The following NLRP7 variants were observed in gnomAD, a reference collection of about 807,000 sequenced individuals.
NLRP7 encodes the protein NACHT, LRR and PYD domains-containing protein 7.
NLRP7 carries 72 observed loss-of-function variants against 85.5 expected under a neutral mutation model. The ratio of observed to expected loss-of-function variants is 0.84; its 90% CI spans 0.70 to 1.02. The LOEUF (loss-of-function observed/expected upper bound fraction) is 1.02. Among genes scored for constraint, NLRP7 ranks in the 50% least tolerant of loss-of-function variants. The pLI is 0.00. For missense variants in NLRP7, 1,243 were observed against 1,219.5 expected, an observed-to-expected ratio of 1.02 and a Z score of -0.29; for synonymous variants, 550 against 505.2, an observed-to-expected ratio of 1.09 and a Z score of -1.19.
chr19:54,961,366 T>C (rs1435891781), intron 1 of NLRP7, among the ~76,000 whole-genome samples: 1 of 151,728 alleles, frequency 6.6e-6, no homozygotes, highest in Non-Finnish European at 1.5e-5. Flanking sequence ...CAAAATTAGC[T>C]TGGTATGGTG....
At chr19:54,937,215 C>CAAA in intron 5 of NLRP7, among the ~76,000 whole-genome samples, 1 of 77,602 alleles carries the variant, frequency 1.3e-5, no homozygotes, top group Admixed American at 1.5e-4. Flanking sequence ...GAGACTGTCT[C>CAAA]AAAAAAAAAA....
chr19:54,939,920 G>T, exon 4 of NLRP7: 7 of 1,614,130 alleles, frequency 4.3e-6, no homozygotes, highest in Non-Finnish European at 5.1e-6. Context: ...GGGCCGCGTG[G>T]TGACCAGCAA....
chr19:54,927,852 G>A (rs967406787), intron 9 of NLRP7, 77 bp from the exon 10 acceptor site: 31 of 1,345,928 alleles, frequency 2.3e-5, no homozygotes, highest in Non-Finnish European at 2.8e-5. Context: ...AACACTTCGG[G>A]AGGCCAAGGC....
In NLRP7 at chr19:54,934,498, T is replaced by C. The variant is rs1156313098; in HGVS notation, c.2462A>G (p.Gln821Arg). 1 of 1,614,164 alleles carries C rather than the reference T, an allele frequency of 6.2e-7. No individual in the cohort carries two copies. Among genetic ancestry groups the C allele is most frequent in the Admixed American group, 1.7e-5 (1 of 60,012 alleles). The change falls in exon 7 of 10, where the codon CAG becomes CGG. Residue 821 changes from glutamine to arginine, a missense_variant. By Grantham distance (43) the Gln-to-Arg change is conservative. Coordinates refer to ENST00000340844, the Ensembl canonical transcript of NLRP7. This position sits in a 1 kb window ranked among gnomAD's most constrained non-coding sequence, Gnocchi z 6.7. ...GGAAGAGGAGACTTACGACAACATC[T>C]GCAGGAAGTGTTTTGGGCGTGTCAT...
chr19:54,946,082 C>T (rs1400621472), intron 1 of NLRP7, among the ~76,000 whole-genome samples: 6 of 151,918 alleles, frequency 3.9e-5, no homozygotes, highest in African/African-American at 9.7e-5. Flanking sequence ...TGAGCCACCG[C>T]GCCCGGCCGA....
chr19:54,925,979 G>A (rs4603691), intron 9 of NLRP7, among the ~76,000 whole-genome samples: 14,433 of 150,648 alleles, frequency 0.096, 1,021 homozygotes, highest in East Asian at 0.35. Flanking sequence ...CAGCCTGGGC[G>A]ACAGAGACTG....
At chr19:54,933,451 T>G in intron 8 of NLRP7, 118 bp downstream of exon 8, 1 of 1,334,922 alleles carries the variant, frequency 7.5e-7, no homozygotes, top group Non-Finnish European at 1.1e-6. Context: ...GGCCTCTGCC[T>G]GTTCTTTAAT....
intron 1 of NLRP7, among the ~76,000 whole-genome samples, chr19:54,964,082 T>A (rs2070188539): frequency 6.7e-6 from 1 of 150,272 alleles, no homozygotes; most frequent in Non-Finnish European, 1.5e-5. Flanking sequence ...GGTTTCATCA[T>A]CTTGGCCAGG....
chr19:54,958,691 G>A (rs1334396346), intron 1 of NLRP7, among the ~76,000 whole-genome samples: 1 of 152,002 alleles, frequency 6.6e-6, no homozygotes, highest in African/African-American at 2.4e-5. Context: ...AGTGGCTCAC[G>A]CCTGTAATCC....
At position 54,941,806 on chromosome 19, in the gene NLRP7, A is replaced by G. The variant is rs906500900; in HGVS notation, c.-39-56T>C. ...AGTTACCATCATTAAATGAAACCAC[A>G]GTTTCCTGTGTGCCAAGAACAAGAC... On this transcript the variant is annotated intron_variant, in intron 1 of 9. Transcript: ENST00000340844. 8 of 1,314,204 alleles carry G rather than the reference A, an allele frequency of 6.1e-6. No homozygotes were observed. The Admixed American group carries it at 1.7e-4, about 29-fold the overall frequency. 81.4% of individuals were successfully genotyped at this position (1,314,204 alleles called of 1,614,324 possible).
chr19:54,940,005 C>A (rs751795513), exon 4 of NLRP7: 1 of 1,614,168 alleles, frequency 6.2e-7, no homozygotes, highest in Non-Finnish European at 8.5e-7. Flanking sequence ...TTCTCCCAGT[C>A]CCCGCAGATG....
intron 1 of NLRP7, among the ~76,000 whole-genome samples, chr19:54,957,343 CTTCT>C (rs1350648945): frequency 1.4e-4 from 20 of 139,926 alleles, no homozygotes; most frequent in Admixed American, 7.9e-4. Context: ...TCTTCTTCTT[CTTCT>C]TTTTTTTTTT....
intron 1 of NLRP7, among the ~76,000 whole-genome samples, chr19:54,959,305 A>ATTTTTTTTTTTTTTTTTTTTTTTT (rs1435097621): frequency 2.7e-5 from 4 of 148,238 alleles, no homozygotes; most frequent in African/African-American, 5.0e-5. Flanking sequence ...TGCCCGGCTA[A>ATTTTTTTTTTTTTTTTTTTTTTTT]TTTTTGTATT....
chr19:54,948,415 A>G (rs1273356512), upstream of NLRP7, among the ~76,000 whole-genome samples: 1 of 151,934 alleles, frequency 6.6e-6, no homozygotes, highest in African/African-American at 2.4e-5. Flanking sequence ...GCCATACATG[A>G]TGGGCTGCAC....
rs149250103 is a variant in NLRP7 at position 54,939,403 on chromosome 19, C to A, written c.1416G>T (p.Gln472His). Residue 472 changes from glutamine (Q) to histidine (H), a missense_variant, in exon 4 of 10, where the codon CAG becomes CAT. Gln to His is a conservative substitution (Grantham distance 24). Around this residue, in one of 3 missense-constraint regions of NLRP7, gnomAD observed 39 missense variants for 67.9 expected, o/e 0.57. Transcript: ENST00000340844. ...CGTAGAACAGGGCAGTGAGAAACTG[C>A]TGGAAGCTGAGGTGGATGAAGGAGT... is the stretch of plus-strand genomic sequence containing the variant. The A allele has an allele frequency of 9.9e-6, 16 of 1,614,000 alleles. No individual in the cohort carries two copies. The Admixed American group carries it at 1.2e-4, about 12-fold the overall frequency.
chr19:54,940,412 T>C, exon 4 of NLRP7: 1 of 1,614,112 alleles, frequency 6.2e-7, no homozygotes, highest in Non-Finnish European at 8.5e-7. Context: ...CCAAAAGGTG[T>C]TCTTCCAGAC....
exon 4 of NLRP7, chr19:54,940,302 T>C (rs1206506325): frequency 3.7e-6 from 6 of 1,614,086 alleles, no homozygotes; most frequent in Non-Finnish European, 5.1e-6. Context: ...AGCACCACCG[T>C]GTAAGGTGTT....
At chr19:54,929,931 T>C (rs564229718) in intron 9 of NLRP7, among the ~76,000 whole-genome samples, 1 of 100,522 alleles carries the variant, frequency 9.9e-6, no homozygotes, top group Non-Finnish European at 2.2e-5. Flanking sequence ...TGGCTAACAC[T>C]GTGAAACCCA....
chr19:54,928,834 C>T (rs1356387723), intron 9 of NLRP7, among the ~76,000 whole-genome samples: 1 of 151,882 alleles, frequency 6.6e-6, no homozygotes, highest in East Asian at 1.9e-4. Flanking sequence ...CAGAGTTTCA[C>T]TCTTGTTGCC....
Sources: gnomAD v4.1 joint callset for allele counts (sites outside exome capture counted in the v4.1 genomes callset) on GRCh38, gnomAD v4.1.1 for gene constraint, gnomAD v4.1.1 regional missense constraint, Gnocchi (gnomAD v3.1) non-coding constraint, MANE v1.5 for transcripts, NCBI Gene and HGNC (gene_info 2026-07-23, HGNC 2026-07-21) for gene names.